The following NEBL variants were observed in gnomAD, a reference collection of about 807,000 sequenced individuals.
NEBL encodes LIM and SH3 protein 2.
A neutral mutation model predicts 140.2 loss-of-function variants in NEBL; 122 were observed. The observed-to-expected ratio is 0.87, with a 90% CI of 0.75 to 1.01. The LOEUF (loss-of-function observed/expected upper bound fraction) is 1.01, where lower values mean the gene tolerates loss of function less well. NEBL is among the 50% of genes least tolerant of loss of function. NEBL has a pLI of 0.00. For synonymous variants in NEBL, 436 were observed against 398.9 expected, an observed-to-expected ratio of 1.09 and a Z score of -1.11; for missense variants, 1,365 against 1,231.3, an observed-to-expected ratio of 1.11 and a Z score of -1.62.
In NEBL at chr10:20,785,764, T is replaced by C. The variant is rs1400947444; in HGVS notation, c.3028A>G (p.Ile1010Val). 8 of 1,613,880 alleles carry C rather than the reference T, an allele frequency of 5.0e-6. No individual in the cohort carries two copies. Among genetic ancestry groups the C allele is most frequent in the South Asian group, 1.1e-5 (1 of 91,086 alleles). Residue 1010 changes from isoleucine (I) to valine (V), a missense_variant, in exon 28 of 28, where the codon ATT (isoleucine) becomes GTT (valine). By Grantham distance (29) the Ile-to-Val change is conservative. Around this residue, in one of 2 missense-constraint regions of NEBL, gnomAD observed 42 missense variants for 76.5 expected, o/e 0.55. Transcript: ENST00000377122. ...GRTGMLPANYIEFVN is the reference protein window; with the variant it reads ...GRTGMLPANYVEFVN The stretch of plus-strand genomic sequence containing the variant: ...AGAAATAATTAATTAACAAACTCAA[T>C]GTAATTCGCTGGGAGCATTCCTGTT...
intron 1 of NEBL, among the ~76,000 whole-genome samples, chr10:21,278,466 T>C (rs1034899326): frequency 7.2e-5 from 11 of 152,072 alleles, no homozygotes; most frequent in African/African-American, 2.7e-4. Context: ...AGTAAACTGG[T>C]GTGGGGCTGT....
intron 2 of NEBL, among the ~76,000 whole-genome samples, chr10:21,141,078 G>C (rs1042845448): frequency 7.0e-6 from 1 of 142,892 alleles, no homozygotes; most frequent in Non-Finnish European, 1.5e-5. Context: ...AAAAAAACCT[G>C]CTCTATGCTC....
chr10:20,918,003 G>C (rs1480408184), intron 4 of NEBL, among the ~76,000 whole-genome samples: 2 of 152,144 alleles, frequency 1.3e-5, no homozygotes, highest in Non-Finnish European at 2.9e-5. Flanking sequence ...AATGATATAT[G>C]CATGACACAA....
At chr10:21,113,716 T>C (rs1247237085) in intron 2 of NEBL, among the ~76,000 whole-genome samples, 1 of 152,102 alleles carries the variant, frequency 6.6e-6, no homozygotes, top group Non-Finnish European at 1.5e-5. Context: ...TTAGTTTGTA[T>C]GGAATGTTAA....
chr10:21,210,590 CAT>C lies in NEBL; in HGVS notation n.348+37329_348+37330del. Among the ~76,000 whole-genome samples, 3 of 152,262 alleles carry C rather than the reference CAT, an allele frequency of 2.0e-5. No individual in the cohort carries two copies. In the East Asian group the frequency reaches 5.8e-4, roughly 29 times the overall value. On this transcript the variant is annotated intron_variant and non_coding_transcript_variant, in intron 3 of 8. Transcript: ENST00000675702. ...TACAAACAAAAATTCAAAGCAAAAT[CAT>C]ACAATTAAATGTTTGTGTCAAGTAT...
chr10:20,852,536 A>G lies in NEBL; in HGVS notation c.1008+9T>C. The G allele has an allele frequency of 6.2e-7, 1 of 1,604,402 alleles. No homozygotes were observed. Reference sequence around the variant, plus strand: ...AGGGAGGGTAGGTACCGTACGGGCAAGTGTGTACCTGACTTTGGAGGACGG... The same window carrying G: ...AGGGAGGGTAGGTACCGTACGGGCAGGTGTGTACCTGACTTTGGAGGACGG... On this transcript the variant is annotated intron_variant, in intron 10 of 27. Coordinates refer to ENST00000377122, the MANE Select transcript of NEBL (RefSeq NM_006393.3).
intron 2 of NEBL, among the ~76,000 whole-genome samples, chr10:20,892,810 T>C (rs569282765): frequency 6.6e-6 from 1 of 152,300 alleles, no homozygotes; most frequent in East Asian, 1.9e-4. Flanking sequence ...GATCTTTCCT[T>C]TCACAAGAAT....
intron 2 of NEBL, among the ~76,000 whole-genome samples, chr10:21,094,730 G>A (rs1470713682): frequency 2.6e-5 from 4 of 152,122 alleles, no homozygotes; most frequent in Non-Finnish European, 5.9e-5. Context: ...GGACTCTTGG[G>A]TGGTGGCATG....
At chr10:21,055,910 A>G (rs377568591) in intron 2 of NEBL, among the ~76,000 whole-genome samples, 81 of 152,230 alleles carry the variant, frequency 5.3e-4, no homozygotes, top group African/African-American at 1.9e-3. Context: ...AAAATCAGCC[A>G]GAGTATCTTG....
intron 4 of NEBL, among the ~76,000 whole-genome samples, chr10:20,912,670 G>T (rs994365218): frequency 6.6e-6 from 1 of 151,630 alleles, no homozygotes; most frequent in African/African-American, 2.4e-5. Flanking sequence ...TCCTACTTAC[G>T]TTGCACCTAG....
chr10:20,824,859 TATA>T (rs1376137353), intron 18 of NEBL, among the ~76,000 whole-genome samples: 1 of 152,218 alleles, frequency 6.6e-6, no homozygotes, highest in African/African-American at 2.4e-5. Flanking sequence ...ACAGAATATT[TATA>T]ATATTAAACC....
chr10:21,085,851 A>T (rs865833794), intron 2 of NEBL, among the ~76,000 whole-genome samples: 1 of 152,154 alleles, frequency 6.6e-6, no homozygotes, highest in South Asian at 2.1e-4. Flanking sequence ...TCTCATTTAC[A>T]TCTCACTCGG....
At chr10:21,044,703 A>T (rs1435110884) in intron 2 of NEBL, among the ~76,000 whole-genome samples, 1 of 152,136 alleles carries the variant, frequency 6.6e-6, no homozygotes, top group African/African-American at 2.4e-5. Flanking sequence ...ACATCTATGT[A>T]CCCTTTATCA....
intron 3 of NEBL, among the ~76,000 whole-genome samples, chr10:21,243,831 A>C (rs1237295970): frequency 6.6e-6 from 1 of 152,040 alleles, no homozygotes; most frequent in Non-Finnish European, 1.5e-5. Flanking sequence ...CAGTAGAAAC[A>C]GCGAAAGAAA....
At chr10:21,032,959 T>G (rs978382513) in intron 2 of NEBL, among the ~76,000 whole-genome samples, 11 of 152,216 alleles carry the variant, frequency 7.2e-5, no homozygotes, top group Non-Finnish European at 1.5e-4. Context: ...TATCGGCTAT[T>G]GAAACATGTC....
chr10:21,025,162 A>C (rs1388132073), intron 2 of NEBL, among the ~76,000 whole-genome samples: 2 of 152,228 alleles, frequency 1.3e-5, no homozygotes, highest in African/African-American at 4.8e-5. Flanking sequence ...ACAAAAAAAA[A>C]AGGAGGAATG....
upstream of NEBL, chr10:21,175,080 A>G (rs1841268239): frequency 6.6e-6 from 1 of 152,230 alleles, no homozygotes; most frequent in Non-Finnish European, 1.5e-5. Context: ...GGATGAAACC[A>G]AAGGGAACAG....
At chr10:21,236,374 G>A (rs1364578111) in intron 3 of NEBL, among the ~76,000 whole-genome samples, 1 of 138,598 alleles carries the variant, frequency 7.2e-6, no homozygotes, top group Non-Finnish European at 1.5e-5. Context: ...TTGAGACAGA[G>A]TGTTGTTCTG....
intron 4 of NEBL, among the ~76,000 whole-genome samples, chr10:20,920,850 A>G (rs1452787239): frequency 1.3e-5 from 2 of 152,228 alleles, no homozygotes; most frequent in Non-Finnish European, 2.9e-5. Context: ...AACTAATTAT[A>G]CTAAGCTGAA....
Sources: allele counts gnomAD v4.1 joint callset (sites outside exome capture counted in the v4.1 genomes callset), GRCh38; gene constraint gnomAD v4.1.1; regional missense constraint gnomAD v4.1.1; transcripts MANE v1.5; gene names NCBI Gene and HGNC (gene_info 2026-07-23, HGNC 2026-07-21).